Variants in JAKMIP1 observed in about 807,000 individuals in gnomAD.
The protein encoded by JAKMIP1 is janus kinase and microtubule-interacting protein 1.
JAKMIP1 carries 33 observed loss-of-function variants against 113.0 expected under a neutral mutation model. The observed-to-expected ratio is 0.29, with a 90% CI of 0.22 to 0.39. The LOEUF is 0.39. JAKMIP1 is among the 10% of genes least tolerant of loss of function. The pLI is 1.00. For missense variants in JAKMIP1, 813 were observed against 1,080.5 expected (o/e 0.75, Z 3.47); for synonymous variants, 480 against 459.9 (o/e 1.04, Z -0.56).
intron 1 of JAKMIP1, among the ~76,000 whole-genome samples, chr4:6,148,534 C>G (rs1445298517): frequency 6.6e-6 from 1 of 152,278 alleles, no homozygotes; most frequent in East Asian, 1.9e-4. Context: ...GCGCATCCTC[C>G]TTTTCAAGGT....
At position 6,168,177 on chromosome 4, in the gene JAKMIP1, T is replaced by C. The variant is rs1723895091; in HGVS notation, c.-148+32076A>G. Among the ~76,000 whole-genome samples the C allele has an allele frequency of 6.6e-6, 1 of 152,194 alleles. No homozygotes were observed. The highest frequency in any genetic ancestry group is 2.4e-5 in the African/African-American group (1 of 41,454). On this transcript the variant is annotated intron_variant, in intron 1 of 20. Coordinates refer to ENST00000409021, the MANE Select transcript of JAKMIP1 (RefSeq NM_001099433.2). This position sits in a 1 kb window ranked among gnomAD's most constrained non-coding sequence, Gnocchi z 4.6. ...AGCATGTGGGGAACTGGACCCTTTA[T>C]GCATTGCTGGTGGGGTCATGAAATG...
At position 6,092,531 on chromosome 4, in the gene JAKMIP1, G is replaced by A. The variant is rs77268929; in HGVS notation, c.625-6902C>T. ...TTTAAGCCATTGAGAGAACATTGTT[G>A]GTTCTGCCCAGCTATGAAAGTCTAT... On this transcript the variant is annotated intron_variant, in intron 3 of 20. Transcript: ENST00000409021. 5.2e-4 allele frequency among the ~76,000 whole-genome samples: 79 copies of A among 152,290 alleles called. No individual in the cohort carries two copies. The East Asian group carries it at 0.014, about 27-fold the overall frequency.
At chr4:6,055,829 C>T (rs752450071) in intron 12 of JAKMIP1, among the ~76,000 whole-genome samples, 21 of 151,332 alleles carry the variant, frequency 1.4e-4, no homozygotes, top group Non-Finnish European at 2.1e-4. Flanking sequence ...CCAGCCCTCC[C>T]CATCTCTGCA....
chr4:6,026,722 T>C (rs1347913191), intron 20 of JAKMIP1, among the ~76,000 whole-genome samples: 1 of 151,528 alleles, frequency 6.6e-6, no homozygotes, highest in African/African-American at 2.4e-5. Flanking sequence ...GGTCACCCAG[T>C]CCAACTTGCA....
At chr4:6,043,577 C>T (rs988587660) in intron 16 of JAKMIP1, among the ~76,000 whole-genome samples, 10 of 152,124 alleles carry the variant, frequency 6.6e-5, no homozygotes, top group African/African-American at 1.9e-4. Context: ...CTGCCAGGAC[C>T]CCTGATGGGG....
chr4:6,035,436 C>A (rs1200343272), intron 19 of JAKMIP1, among the ~76,000 whole-genome samples: 2 of 152,196 alleles, frequency 1.3e-5, no homozygotes, highest in Non-Finnish European at 2.9e-5. Flanking sequence ...GCCCTCAGCT[C>A]CCCATGTGCT....
At chr4:6,169,311 T>C (rs1724042099) in intron 1 of JAKMIP1, among the ~76,000 whole-genome samples, 1 of 152,120 alleles carries the variant, frequency 6.6e-6, no homozygotes, top group African/African-American at 2.4e-5. Flanking sequence ...GGGCCCTTTA[T>C]TCAGTACAGC....
In JAKMIP1 at chr4:6,106,539, C is replaced by CCTCT. The variant is rs111859543; in HGVS notation, c.130-576_130-573dup. On this transcript the variant is annotated intron_variant, in intron 2 of 20. Transcript: ENST00000409021. The surrounding 1 kb of genome is among the most constrained non-coding windows in gnomAD (Gnocchi z 5.9). ...GTGCTCCCTCTCTTTCTCCCTCTCTCCTCTCTCTCTCTCTCTCTTCCTCTC... is the reference window on the plus strand; with the variant it reads ...GTGCTCCCTCTCTTTCTCCCTCTCTCCTCTCTCTCTCTCTCTCTCTCTTCCTCTC... 5.4e-4 allele frequency among the ~76,000 whole-genome samples: 81 copies of CCTCT among 149,832 alleles called. No individual in the cohort carries two copies. In the South Asian group the frequency reaches 0.012, roughly 23 times the overall value.
chr4:6,184,335 G>C lies in JAKMIP1; in HGVS notation c.-148+15918C>G, dbSNP rs573337721. ...TCCCAGGCACCACAGCCAGGAAGGG[G>C]GCATGCCTCGAACACACGCCTCCCT... is the stretch of plus-strand genomic sequence containing the variant. On this transcript the variant is annotated intron_variant, in intron 1 of 20. Coordinates refer to ENST00000409021, the MANE Select transcript of JAKMIP1 (RefSeq NM_001099433.2). The surrounding 1 kb of genome is among the most constrained non-coding windows in gnomAD (Gnocchi z 4.5). 1.3e-5 allele frequency among the ~76,000 whole-genome samples: 2 copies of C among 152,204 alleles called. No homozygotes were observed. The highest frequency in any genetic ancestry group is 4.8e-5 in the African/African-American group (2 of 41,528).
chr4:6,170,912 G>A lies in JAKMIP1; in HGVS notation c.-148+29341C>T, dbSNP rs371727049. 7.4e-3 allele frequency among the ~76,000 whole-genome samples: 795 copies of A among 107,004 alleles called. 12 individuals carry two copies. Among genetic ancestry groups the A allele is most frequent in the African/African-American group, 0.026 (720 of 27,802 alleles). 70.2% of individuals were successfully genotyped at this position (107,004 alleles called of 152,430 possible). On this transcript the variant is annotated intron_variant, in intron 1 of 20. Transcript: ENST00000409021. Reference sequence around the variant, plus strand: ...CTCCACCACCACCATCACCATCACCGCCACCACCTTTCTTACCATCACCAC... The same window carrying A: ...CTCCACCACCACCATCACCATCACCACCACCACCTTTCTTACCATCACCAC...
rs563946675 is a variant in JAKMIP1, at chr4:6,049,789, C to G, written c.1962+30G>C. On this transcript the variant is annotated intron_variant, in intron 15 of 20. Transcript: ENST00000409021. The surrounding 1 kb of genome is among the most constrained non-coding windows in gnomAD (Gnocchi z 7.0). ...ATACACCCAGATCAAAACAAGAACACGAAAGCAGAAACCGATCGCTCATAG... is the reference window on the plus strand; with the variant it reads ...ATACACCCAGATCAAAACAAGAACAGGAAAGCAGAAACCGATCGCTCATAG... 1.9e-6 allele frequency: 3 copies of G among 1,569,990 alleles called. No homozygotes were observed. Among genetic ancestry groups the G allele is most frequent in the Non-Finnish European group, 2.6e-6 (3 of 1,140,896 alleles).
At chr4:6,160,796 C>A (rs895161086) in intron 1 of JAKMIP1, among the ~76,000 whole-genome samples, 1 of 152,122 alleles carries the variant, frequency 6.6e-6, no homozygotes, top group African/African-American at 2.4e-5. Context: ...GGCTTCAGCT[C>A]CCGCACCTCC....
chr4:6,101,199 A>G (rs1036524812), intron 3 of JAKMIP1, among the ~76,000 whole-genome samples: 1 of 152,126 alleles, frequency 6.6e-6, no homozygotes, highest in Non-Finnish European at 1.5e-5. Context: ...AGGCCTATGG[A>G]CCACTTTGAA....
In JAKMIP1 at chr4:6,176,339, G is replaced by T. The variant is rs561875626; in HGVS notation, c.-148+23914C>A. The stretch of plus-strand genomic sequence containing the variant: ...CAGTGTTTAGGCTGTGTCCTGGTCT[G>T]GTGGGGTATGAAGATCCCTGAGGTG... On this transcript the variant is annotated intron_variant, in intron 1 of 20. Transcript: ENST00000409021. The surrounding 1 kb of genome is among the most constrained non-coding windows in gnomAD (Gnocchi z 5.5). Among the ~76,000 whole-genome samples the T allele has an allele frequency of 6.6e-6, 1 of 152,320 alleles. No homozygotes were observed. The highest frequency in any genetic ancestry group is 2.4e-5 in the African/African-American group (1 of 41,566).
chr4:6,062,460 A>G lies in JAKMIP1; in HGVS notation c.1432-20T>C, dbSNP rs753834612. 8 of 1,599,200 alleles carry G rather than the reference A, an allele frequency of 5.0e-6. No individual in the cohort carries two copies. The East Asian group carries it at 1.6e-4, about 31-fold the overall frequency. On this transcript the variant is annotated intron_variant, in intron 9 of 20. Coordinates refer to ENST00000409021, the MANE Select transcript of JAKMIP1 (RefSeq NM_001099433.2). ...TGTGGCCTTCACATAATGGAGAAGA[A>G]AACAAATAATCAAGTGCAAAATTAC...
rs1164903588 is a variant in JAKMIP1 at position 6,185,597 on chromosome 4, G to A, written c.-148+14656C>T. ...TGGGAGGCGGAGCTTGCAGTGAGCTGAGATCACGCCACTGCACTCCAGCCT... is the reference window on the plus strand; with the variant it reads ...TGGGAGGCGGAGCTTGCAGTGAGCTAAGATCACGCCACTGCACTCCAGCCT... On this transcript the variant is annotated intron_variant, in intron 1 of 20. Coordinates refer to ENST00000409021, the MANE Select transcript of JAKMIP1 (RefSeq NM_001099433.2). This position sits in a 1 kb window ranked among gnomAD's most constrained non-coding sequence, Gnocchi z 5.3. Among the ~76,000 whole-genome samples the A allele has an allele frequency of 6.6e-6, 1 of 152,170 alleles. No homozygotes were observed. The highest frequency in any genetic ancestry group is 1.9e-4 in the East Asian group (1 of 5,192).
intron 5 of JAKMIP1, 72 bp downstream of exon 5, chr4:6,084,774 G>A: frequency 6.7e-7 from 1 of 1,481,950 alleles, no homozygotes; most frequent in South Asian, 1.4e-5. Context: ...TTCTGTGCAG[G>A]GCATGTTTCA....
chr4:6,179,786 A>C lies in JAKMIP1; in HGVS notation c.-148+20467T>G, dbSNP rs1177928261. Among the ~76,000 whole-genome samples the C allele has an allele frequency of 6.6e-6, 1 of 152,186 alleles. No individual in the cohort carries two copies. Among genetic ancestry groups the C allele is most frequent in the African/African-American group, 2.4e-5 (1 of 41,448 alleles). ...ACACCTCATCTCAATCCATCCTCAA[A>C]GCCTCCTTGTAAAACAGGTAGCAAT... On this transcript the variant is annotated intron_variant, in intron 1 of 20. Coordinates refer to ENST00000409021, the MANE Select transcript of JAKMIP1 (RefSeq NM_001099433.2). The surrounding 1 kb of genome is among the most constrained non-coding windows in gnomAD (Gnocchi z 4.5).
At position 6,137,677 on chromosome 4, in the gene JAKMIP1, A is replaced by G. The variant is rs1324098713; in HGVS notation, c.-147-24680T>C. 6.6e-6 allele frequency among the ~76,000 whole-genome samples: 1 copy of G among 152,200 alleles called. No individual in the cohort carries two copies. Among genetic ancestry groups the G allele is most frequent in the Non-Finnish European group, 1.5e-5 (1 of 68,040 alleles). On this transcript the variant is annotated intron_variant, in intron 1 of 20. Transcript: ENST00000409021. The surrounding 1 kb of genome is among the most constrained non-coding windows in gnomAD (Gnocchi z 4.5). ...GAAATGCGGAGGCTAAAGAGCCACA[A>G]ACCATATCTCTGAGACTCCCTTGGA...
Sources: allele counts gnomAD v4.1 joint callset (sites outside exome capture counted in the v4.1 genomes callset), GRCh38; gene constraint gnomAD v4.1.1; non-coding constraint Gnocchi (gnomAD v3.1); transcripts MANE v1.5; gene names NCBI Gene and HGNC (gene_info 2026-07-23, HGNC 2026-07-21).